The following CCNY variants were observed in gnomAD, a reference collection of about 807,000 sequenced individuals.
CCNY encodes the protein cyclin Y, also known as cyclin-Y.
A neutral mutation model predicts 42.8 loss-of-function variants in CCNY; 19 were observed. The observed-to-expected ratio is 0.44, with a 90% CI of 0.31 to 0.65. The LOEUF (loss-of-function observed/expected upper bound fraction) is 0.65, where lower values mean the gene tolerates loss of function less well. Among genes scored for constraint, CCNY ranks in the 30% least tolerant of loss-of-function variants. The pLI, the probability that CCNY is intolerant of heterozygous loss-of-function variation, is 0.07. For synonymous variants in CCNY, 165 were observed against 162.7 expected (o/e 1.01, Z -0.11); for missense variants, 370 against 437.3 (o/e 0.85, Z 1.37).
At chr10:35,538,254 T>C (rs1255937131) in intron 7 of CCNY, among the ~76,000 whole-genome samples, 1 of 152,218 alleles carries the variant, frequency 6.6e-6, no homozygotes, top group Non-Finnish European at 1.5e-5. Context: ...GTCTCAGGTA[T>C]GTCTTTTTCA....
intron 1 of CCNY, among the ~76,000 whole-genome samples, chr10:35,424,506 G>A (rs1383719908): frequency 4.6e-5 from 7 of 152,234 alleles, no homozygotes; most frequent in African/African-American, 1.4e-4. Context: ...GATTACAGGC[G>A]TGAGCCACCG....
intron 1 of CCNY, among the ~76,000 whole-genome samples, chr10:35,357,020 C>G (rs1354435031): frequency 6.6e-6 from 1 of 152,196 alleles, no homozygotes; most frequent in African/African-American, 2.4e-5. Flanking sequence ...CCAACTTTGT[C>G]TGTCTCAGGC....
chr10:35,256,812 C>T (rs931133882), intron 3 of CCNY, among the ~76,000 whole-genome samples: 9 of 151,150 alleles, frequency 6.0e-5, no homozygotes, highest in Non-Finnish European at 1.2e-4. Context: ...GTTGGTGTCA[C>T]GAAATTACAT....
chr10:35,405,569 G>A (rs1041095157), intron 1 of CCNY, among the ~76,000 whole-genome samples: 4 of 152,150 alleles, frequency 2.6e-5, no homozygotes, highest in African/African-American at 9.7e-5. Flanking sequence ...GAATTGGGGA[G>A]TTTTAAGGGG....
intron 3 of CCNY, among the ~76,000 whole-genome samples, chr10:35,306,877 A>G (rs567605375): frequency 2.0e-5 from 3 of 152,296 alleles, no homozygotes; most frequent in Non-Finnish European, 2.9e-5. Context: ...GAGTGCTGTC[A>G]AATAGCCTCA....
At chr10:35,405,162 G>A (rs1179064709) in intron 1 of CCNY, among the ~76,000 whole-genome samples, 1 of 152,146 alleles carries the variant, frequency 6.6e-6, no homozygotes, top group Non-Finnish European at 1.5e-5. Flanking sequence ...TAAAACAGGG[G>A]AATTGTAAGG....
intron 3 of CCNY, among the ~76,000 whole-genome samples, chr10:35,506,503 A>G (rs1038891296): frequency 6.6e-6 from 1 of 152,138 alleles, no homozygotes; most frequent in Non-Finnish European, 1.5e-5. Flanking sequence ...CCTTAAGTGT[A>G]TTGGTTATGT....
intron 3 of CCNY, among the ~76,000 whole-genome samples, chr10:35,301,411 G>A (rs1270427986): frequency 6.6e-6 from 1 of 152,084 alleles, no homozygotes; most frequent in Non-Finnish European, 1.5e-5. Context: ...TAATAGAATT[G>A]TTTATATCCT....
chr10:35,398,015 A>C (rs1837561923), intron 1 of CCNY, among the ~76,000 whole-genome samples: 1 of 152,184 alleles, frequency 6.6e-6, no homozygotes, highest in African/African-American at 2.4e-5. Flanking sequence ...TTCTCTGAGC[A>C]GTGCTGGAGG....
chr10:35,327,809 T>C (rs535804028), intron 3 of CCNY: 8 of 152,472 alleles, frequency 5.2e-5, no homozygotes, highest in African/African-American at 1.9e-4. Context: ...ATCTCCTGCA[T>C]ACCTGATGTC....
At chr10:35,522,077 A>G (rs1840558543) in intron 4 of CCNY, among the ~76,000 whole-genome samples, 1 of 152,208 alleles carries the variant, frequency 6.6e-6, no homozygotes, top group East Asian at 1.9e-4. Flanking sequence ...CCCTAAAGCC[A>G]GAGCGCCAGT....
At chr10:35,345,551 A>G (rs1475427646) in intron 1 of CCNY, among the ~76,000 whole-genome samples, 1 of 152,114 alleles carries the variant, frequency 6.6e-6, no homozygotes, top group African/African-American at 2.4e-5. Flanking sequence ...TTAAAAAGCC[A>G]CAAAGTACTA....
intron 2 of CCNY, among the ~76,000 whole-genome samples, chr10:35,501,051 G>A (rs144588056): frequency 3.3e-5 from 5 of 152,244 alleles, no homozygotes; most frequent in South Asian, 2.1e-4. Flanking sequence ...GATGTACATC[G>A]TCTTCCTGGA....
intron 1 of CCNY, among the ~76,000 whole-genome samples, chr10:35,457,983 T>C (rs896324033): frequency 2.0e-5 from 3 of 152,244 alleles, no homozygotes; most frequent in Non-Finnish European, 2.9e-5. Context: ...ACTATTCCTC[T>C]TTTTGGTTTC....
chr10:35,425,637 A>G (rs2135270143), intron 1 of CCNY, among the ~76,000 whole-genome samples: 1 of 152,362 alleles, frequency 6.6e-6, no homozygotes, highest in Middle Eastern at 3.4e-3. Flanking sequence ...TGTTTATAGC[A>G]TATGTAGTGT....
intron 3 of CCNY, among the ~76,000 whole-genome samples, chr10:35,326,995 C>T (rs374627657): frequency 3.3e-5 from 5 of 152,284 alleles, no homozygotes; most frequent in South Asian, 2.1e-4. Flanking sequence ...TTTGTTCTAA[C>T]GTGGGCATGG....
intron 3 of CCNY, among the ~76,000 whole-genome samples, chr10:35,295,385 C>A (rs921519677): frequency 1.3e-5 from 2 of 151,930 alleles, no homozygotes; most frequent in Non-Finnish European, 2.9e-5. Flanking sequence ...GCATGTGCCA[C>A]CACGCCTGGC....
intron 1 of CCNY, among the ~76,000 whole-genome samples, chr10:35,415,401 C>T (rs945516632): frequency 6.6e-6 from 1 of 152,074 alleles, no homozygotes; most frequent in Non-Finnish European, 1.5e-5. Context: ...TTTGTTGGCC[C>T]TCAGGGGAGC....
At chr10:35,393,895 C>A (rs576607875) in intron 1 of CCNY, among the ~76,000 whole-genome samples, 2 of 151,950 alleles carry the variant, frequency 1.3e-5, no homozygotes, top group African/African-American at 4.8e-5. Flanking sequence ...ATAGCGAGAC[C>A]CTGTCTCTAA....
Sources: allele counts gnomAD v4.1 joint callset (sites outside exome capture counted in the v4.1 genomes callset), GRCh38; gene constraint gnomAD v4.1.1; transcripts MANE v1.5; gene names NCBI Gene and HGNC (gene_info 2026-07-23, HGNC 2026-07-21).